Variants in PSMD6 observed in about 807,000 individuals in gnomAD.
The protein encoded by PSMD6 is 26S proteasome non-ATPase regulatory subunit 6.
In PSMD6, 7 loss-of-function variants were observed where a neutral mutation model predicts 44.9. The observed-to-expected ratio is 0.16, with a 90% CI of 0.09 to 0.29. The LOEUF is 0.29. Among genes scored for constraint, PSMD6 ranks in the 10% least tolerant of loss-of-function variants. The pLI is 1.00. For missense variants in PSMD6, 420 were observed against 482.6 expected, an observed-to-expected ratio of 0.87 and a Z score of 1.21; for synonymous variants, 184 against 172.7, an observed-to-expected ratio of 1.07 and a Z score of -0.51.
At chr3:64,018,470 T>A (rs1414118911) in intron 5 of PSMD6, 129 bp downstream of exon 5, 3 of 675,310 alleles carry the variant, frequency 4.4e-6, no homozygotes, top group Non-Finnish European at 5.0e-6. Context: ...TTAGGAATAC[T>A]GATCAAAGAC....
At position 64,022,477 on chromosome 3, in the gene PSMD6, C is replaced by G. The variant is rs775077023; in HGVS notation, c.192G>C (p.Gln64His). Reference sequence around the variant, plus strand: ...TTTTATTGAGTAGGTCCACGTCTATCTGCCAGTCGAGGGATTTGCACAAGG... The same window carrying G: ...TTTTATTGAGTAGGTCCACGTCTATGTGCCAGTCGAGGGATTTGCACAAGG... The part of the protein sequence containing the change: ...YEALCKSLDW[Q>H]IDVDLLNKMK... The change falls in exon 2 of 8, where the codon CAG becomes CAC. Residue 64 changes from glutamine (Q) to histidine (H), a missense_variant. Physicochemically the swap from Gln to His is conservative, Grantham distance 24. Coordinates refer to ENST00000295901, the MANE Select transcript of PSMD6 (RefSeq NM_014814.3). 1.9e-6 allele frequency: 3 copies of G among 1,614,054 alleles called. No individual in the cohort carries two copies.
At chr3:64,019,705 A>C (rs1214956052) in intron 2 of PSMD6, 3 of 380,200 alleles carry the variant, frequency 7.9e-6, no homozygotes, top group Non-Finnish European at 1.4e-5. Flanking sequence ...TTTAAGAAAA[A>C]TATATTCACA....
Position 64,022,465 on chromosome 3 carries a change from G to A in PSMD6, c.204C>T (p.Asp68=). 6.2e-7 allele frequency: 1 copy of A among 1,614,080 alleles called. No homozygotes were observed. Among genetic ancestry groups the A allele is most frequent in the Non-Finnish European group, 8.5e-7 (1 of 1,179,966 alleles). The stretch of plus-strand genomic sequence containing the variant: ...TTGCCTTCTTCATTTTATTGAGTAG[G>A]TCCACGTCTATCTGCCAGTCGAGGG... ...CKSLDWQIDV[D]LLNKMKKANE... Residue 68 remains aspartate, a synonymous_variant, in exon 2 of 8, where the codon GAC becomes GAT. Coordinates refer to ENST00000295901, the MANE Select transcript of PSMD6 (RefSeq NM_014814.3).
intron 2 of PSMD6, 123 bp from the exon 3 acceptor site, chr3:64,019,564 G>T: frequency 1.0e-6 from 1 of 965,550 alleles, no homozygotes; most frequent in Non-Finnish European, 1.5e-6. Context: ...CAACAAGATG[G>T]CCATTAACTG....
intron 6 of PSMD6, chr3:64,012,122 A>C (rs2075966390): frequency 6.6e-6 from 1 of 152,216 alleles, no homozygotes; most frequent in African/African-American, 2.4e-5. Context: ...TGGTTAAAAA[A>C]CATAAAATGT....
chr3:64,022,920 T>A (rs1195582603), intron 1 of PSMD6: 5 of 1,459,672 alleles, frequency 3.4e-6, no homozygotes, highest in Non-Finnish European at 4.6e-6. Context: ...ACAGGCAAGC[T>A]GAACTCTCCC....
chr3:64,012,982 T>TTTA (rs1367117488), intron 6 of PSMD6: 2 of 152,924 alleles, frequency 1.3e-5, no homozygotes, highest in Non-Finnish European at 2.9e-5. Flanking sequence ...TCATTAAGTA[T>TTTA]TTATTTGTTT....
At chr3:64,022,801 T>C in intron 1 of PSMD6, 1 of 1,536,130 alleles carries the variant, frequency 6.5e-7, no homozygotes, top group Non-Finnish European at 8.7e-7. Flanking sequence ...GTTCCAAAAG[T>C]CTTCAAACAG....
chr3:64,018,087 G>A (rs776618286), intron 5 of PSMD6, among the ~76,000 whole-genome samples: 1 of 152,176 alleles, frequency 6.6e-6, no homozygotes. Flanking sequence ...AAAATGATTT[G>A]CAAATCAGCA....
intron 5 of PSMD6, chr3:64,015,195 G>A (rs1215103013): frequency 2.6e-5 from 4 of 152,180 alleles, no homozygotes; most frequent in Non-Finnish European, 1.5e-5. Flanking sequence ...GGGTGGGACA[G>A]GTTCTCTCAA....
chr3:64,011,039 A>C, intron 6 of PSMD6, 84 bp from the exon 7 acceptor site: 1 of 1,133,970 alleles, frequency 8.8e-7, no homozygotes, highest in Non-Finnish European at 1.3e-6. Flanking sequence ...ACTGTCTTAA[A>C]TTTGTAACAA....
chr3:64,015,141 A>G (rs2076022519), intron 5 of PSMD6: 2 of 152,246 alleles, frequency 1.3e-5, no homozygotes, highest in South Asian at 4.1e-4. Context: ...TAAAACATCA[A>G]TAAAATTATT....
In PSMD6 at chr3:64,023,432, G is replaced by T. The variant is rs761540152; in HGVS notation, c.-13C>A. ...TCTCCAGCGGCATCGCGGCGAAGGG[G>T]ACAGCGGCTGACAGGACACAACTTG... On this transcript the variant is annotated 5_prime_UTR_variant, in exon 1 of 8. Transcript: ENST00000295901. 4 of 1,586,514 alleles carry T rather than the reference G, an allele frequency of 2.5e-6. No individual in the cohort carries two copies. Among genetic ancestry groups the T allele is most frequent in the Non-Finnish European group, 3.4e-6 (4 of 1,162,450 alleles).
At chr3:64,023,643 C>T (rs2076171454), upstream of PSMD6, 1 of 1,437,486 alleles carries the variant, frequency 7.0e-7, no homozygotes, top group Middle Eastern at 2.5e-4. Context: ...TCAAGGCCCC[C>T]TGCGGAGTCC....
At chr3:64,011,256 A>T in intron 6 of PSMD6, 1 of 234,412 alleles carries the variant, frequency 4.3e-6, no homozygotes, top group Non-Finnish European at 8.2e-6. Context: ...CAAAACTGAT[A>T]AAAACAGTAA....
In PSMD6 at chr3:64,013,620, A is replaced by G. The variant is rs761002269; in HGVS notation, c.827-13T>C. On this transcript the variant is annotated splice_polypyrimidine_tract_variant and intron_variant, in intron 5 of 7. Transcript: ENST00000295901. ...TGTTCCACAACCGCTGCAATGAATA[A>G]AATGACAAATTATAATAGACTCTCC... is the stretch of plus-strand genomic sequence containing the variant. 8.1e-6 allele frequency: 13 copies of G among 1,596,728 alleles called. No homozygotes were observed. The highest frequency in any genetic ancestry group is 3.4e-6 in the Non-Finnish European group (4 of 1,173,486).
At position 64,023,181 on chromosome 3, in the gene PSMD6, G is replaced by A. The variant is rs745576879; in HGVS notation, c.145+94C>T. 7.6e-6 allele frequency: 11 copies of A among 1,456,696 alleles called. No homozygotes were observed. In the African/African-American group the frequency reaches 1.3e-4, roughly 17 times the overall value. The allele number at this position is 1,456,696 out of a possible 1,614,324, so 90.2% of individuals were successfully genotyped here. A position where few individuals can be genotyped will look rare whatever the true frequency, so the allele number is the denominator to read the frequency against. On this transcript the variant is annotated intron_variant, in intron 1 of 7. Transcript: ENST00000295901. ...TGGTCTCTGAGACCCCGTCAGAGGGGTCTGGAGCTCCATCAAAAAAAGTCC... is the reference window on the plus strand; with the variant it reads ...TGGTCTCTGAGACCCCGTCAGAGGGATCTGGAGCTCCATCAAAAAAAGTCC...
chr3:64,023,521 C>G, upstream of PSMD6: 5 of 1,414,646 alleles, frequency 3.5e-6, no homozygotes, highest in South Asian at 6.4e-5. Flanking sequence ...CGCCTGCGGC[C>G]CGGCTTCCGG....
At chr3:64,017,855 T>C (rs1297705764) in intron 5 of PSMD6, 4 of 152,196 alleles carry the variant, frequency 2.6e-5, no homozygotes, top group Non-Finnish European at 1.5e-5. Context: ...TATATCAATG[T>C]CAAATTTTAA....
Sources: allele counts gnomAD v4.1 joint callset (sites outside exome capture counted in the v4.1 genomes callset), GRCh38; gene constraint gnomAD v4.1.1; transcripts MANE v1.5; gene names NCBI Gene and HGNC (gene_info 2026-07-23, HGNC 2026-07-21).